Variants in ZMIZ1 observed in about 807,000 individuals in gnomAD.
ZMIZ1 encodes zinc finger MIZ domain-containing protein 1.
ZMIZ1 carries 17 observed loss-of-function variants against 113.9 expected under a neutral mutation model. The observed-to-expected ratio is 0.15, with a 90% CI of 0.10 to 0.22. The LOEUF (loss-of-function observed/expected upper bound fraction) is 0.22, where lower values mean the gene tolerates loss of function less well. Among genes scored for constraint, ZMIZ1 ranks in the 10% least tolerant of loss-of-function variants. The pLI is 1.00. For missense variants in ZMIZ1, 1,059 were observed against 1,477.8 expected, an observed-to-expected ratio of 0.72 and a Z score of 4.65; for synonymous variants, 607 against 603.1, an observed-to-expected ratio of 1.01 and a Z score of -0.09.
rs769785855 is a variant in ZMIZ1 at position 79,118,293 on chromosome 10, C to G, written c.-336-622C>G. On this transcript the variant is annotated intron_variant, in intron 1 of 24. Coordinates refer to ENST00000334512, the MANE Select transcript of ZMIZ1 (RefSeq NM_020338.4). This position sits in a 1 kb window ranked among gnomAD's most constrained non-coding sequence, Gnocchi z 4.1. ...TCTGTTTGTTCACTGCACACTTTCA[C>G]GGCACCATTCATCCATCAAGGAATC... 1.3e-5 allele frequency among the ~76,000 whole-genome samples: 2 copies of G among 152,196 alleles called. No homozygotes were observed. Among genetic ancestry groups the G allele is most frequent in the Non-Finnish European group, 2.9e-5 (2 of 68,030 alleles).
chr10:79,082,202 C>T (rs1225154772), intron 1 of ZMIZ1, among the ~76,000 whole-genome samples: 3 of 152,248 alleles, frequency 2.0e-5, no homozygotes, highest in Non-Finnish European at 4.4e-5. Flanking sequence ...CAGAAACACT[C>T]GTCCTGGGGG....
intron 5 of ZMIZ1, among the ~76,000 whole-genome samples, chr10:79,202,587 G>A (rs1848149635): frequency 6.6e-6 from 1 of 152,224 alleles, no homozygotes; most frequent in Non-Finnish European, 1.5e-5. Flanking sequence ...TAATTCCAGT[G>A]AGTGCCATGG....
intron 3 of ZMIZ1, among the ~76,000 whole-genome samples, chr10:79,144,235 T>A (rs1375346251): frequency 6.6e-6 from 1 of 152,186 alleles, no homozygotes; most frequent in Non-Finnish European, 1.5e-5. Context: ...TCCATTGAAC[T>A]GATGGGTAAA....
At chr10:79,167,313 A>G (rs1846397705) in intron 4 of ZMIZ1, among the ~76,000 whole-genome samples, 2 of 152,156 alleles carry the variant, frequency 1.3e-5, no homozygotes, top group South Asian at 4.1e-4. Context: ...TCATCATACT[A>G]AGTCTTTGAA....
chr10:79,228,112 A>C (rs1045987439), intron 7 of ZMIZ1, among the ~76,000 whole-genome samples: 1 of 152,256 alleles, frequency 6.6e-6, no homozygotes, highest in African/African-American at 2.4e-5. Flanking sequence ...CCAGCTCAAA[A>C]TTATTCAAAG....
intron 4 of ZMIZ1, among the ~76,000 whole-genome samples, chr10:79,195,073 C>T (rs3889809): frequency 0.19 from 29,417 of 152,190 alleles, 3,246 homozygotes; most frequent in South Asian, 0.3. Context: ...CCGGGGCTGC[C>T]GGGCCTTCAG....
At chr10:79,289,620 G>C (rs893600695) in intron 8 of ZMIZ1, among the ~76,000 whole-genome samples, 155 bp from the exon 9 acceptor site, 1 of 152,170 alleles carries the variant, frequency 6.6e-6, no homozygotes, top group Non-Finnish European at 1.5e-5. Context: ...TGTGCACTGG[G>C]CACTGAGACA....
chr10:79,287,286 G>A (rs1049184479), intron 8 of ZMIZ1, among the ~76,000 whole-genome samples: 1 of 152,316 alleles, frequency 6.6e-6, no homozygotes, highest in African/African-American at 2.4e-5. Context: ...CTCCCTCTGG[G>A]CTCCCAGTCT....
intron 4 of ZMIZ1, among the ~76,000 whole-genome samples, chr10:79,175,978 G>T (rs1031483416): frequency 6.6e-6 from 1 of 152,054 alleles, no homozygotes; most frequent in Non-Finnish European, 1.5e-5. Flanking sequence ...ACAAACAAGG[G>T]ATTATTTTCC....
intron 9 of ZMIZ1, 37 bp from the exon 10 acceptor site, chr10:79,290,922 G>A (rs766723238): frequency 4.4e-6 from 7 of 1,607,552 alleles, no homozygotes; most frequent in South Asian, 3.3e-5. Context: ...ACTGCCTCGG[G>A]TAGCACCTTA....
chr10:79,177,736 T>A (rs1044964113), intron 4 of ZMIZ1, among the ~76,000 whole-genome samples: 3 of 152,274 alleles, frequency 2.0e-5, no homozygotes, highest in Admixed American at 2.0e-4. Flanking sequence ...TTAGTGGAAG[T>A]GACTTATTTT....
chr10:79,297,844 A>G (rs929588682), intron 14 of ZMIZ1, among the ~76,000 whole-genome samples, 154 bp downstream of exon 14: 2 of 152,154 alleles, frequency 1.3e-5, no homozygotes, highest in Non-Finnish European at 2.9e-5. Flanking sequence ...AGAGATGCTC[A>G]GGACTGAGAA....
chr10:79,219,249 G>A (rs970129897), intron 7 of ZMIZ1, among the ~76,000 whole-genome samples: 2 of 152,224 alleles, frequency 1.3e-5, no homozygotes, highest in African/African-American at 4.8e-5. Flanking sequence ...CAGAGGAGCA[G>A]GAGAGACTCA....
intron 18 of ZMIZ1, among the ~76,000 whole-genome samples, chr10:79,302,884 C>T (rs1314439000): frequency 1.7e-5 from 2 of 115,016 alleles, no homozygotes; most frequent in East Asian, 2.7e-4. Context: ...TTTTTTGAGA[C>T]GGAGTCTTGC....
chr10:79,153,836 C>T (rs564874393), intron 3 of ZMIZ1, among the ~76,000 whole-genome samples: 1 of 152,252 alleles, frequency 6.6e-6, no homozygotes. Flanking sequence ...ACAGGACTTT[C>T]CTTTGTCCGG....
At chr10:79,085,991 GTCCTTGTCTCTCTGC>G (rs1245265534) in intron 1 of ZMIZ1, among the ~76,000 whole-genome samples, 2 of 152,150 alleles carry the variant, frequency 1.3e-5, no homozygotes, top group Non-Finnish European at 2.9e-5. Flanking sequence ...ACCCTGACGA[GTCCTTGTCTCTCTGC>G]CCTCTGTGCA....
chr10:79,255,189 C>T (rs1333169474), intron 7 of ZMIZ1, among the ~76,000 whole-genome samples: 1 of 152,230 alleles, frequency 6.6e-6, no homozygotes, highest in African/African-American at 2.4e-5. Context: ...CACGACACTG[C>T]CCTGCTCCTG....
chr10:79,204,628 T>C (rs148973547), intron 5 of ZMIZ1, among the ~76,000 whole-genome samples: 2 of 152,306 alleles, frequency 1.3e-5, no homozygotes, highest in East Asian at 3.9e-4. Context: ...GGACATGCCA[T>C]ATTCATCTCA....
At position 79,296,608 on chromosome 10, in the gene ZMIZ1, C is replaced by T. The variant is rs752723177; in HGVS notation, c.1368C>T (p.Ser456=). 18 of 1,607,032 alleles carry T rather than the reference C, an allele frequency of 1.1e-5. No individual in the cohort carries two copies. In the Admixed American group the frequency reaches 1.7e-4, roughly 15 times the overall value. Residue 456 remains serine (S), a synonymous_variant, in exon 13 of 25, where the codon TCC becomes TCT. Transcript: ENST00000334512. This position sits in a 1 kb window ranked among gnomAD's most constrained non-coding sequence, Gnocchi z 4.1. The part of the protein sequence containing the change: ...PGQRMPSQPS[S]GQYPPPTVNM... Reference sequence around the variant, plus strand: ...AGAGGATGCCCAGCCAGCCGAGCTCCGGGCAGTACCCGCCCCCCACGGTCA... The same window carrying T: ...AGAGGATGCCCAGCCAGCCGAGCTCTGGGCAGTACCCGCCCCCCACGGTCA...
Sources: gnomAD v4.1 joint callset for allele counts (sites outside exome capture counted in the v4.1 genomes callset) on GRCh38, gnomAD v4.1.1 for gene constraint, Gnocchi (gnomAD v3.1) non-coding constraint, MANE v1.5 for transcripts, NCBI Gene and HGNC (gene_info 2026-07-23, HGNC 2026-07-21) for gene names.